The following MIPOL1 variants were observed in gnomAD, a reference collection of about 807,000 sequenced individuals.
The protein encoded by MIPOL1 is mirror-image polydactyly gene 1 protein.
MIPOL1 carries 57 observed loss-of-function variants against 60.9 expected under a neutral mutation model. That is an observed-to-expected ratio of 0.94 (90% CI 0.76 to 1.17). MIPOL1 has a LOEUF of 1.17. MIPOL1 is among the 50% of genes most tolerant of loss of function. The pLI, the probability that MIPOL1 is intolerant of heterozygous loss-of-function variation, is 0.00. For missense variants in MIPOL1, 551 were observed against 511.6 expected (o/e 1.08, Z -0.74); for synonymous variants, 179 against 168.8 (o/e 1.06, Z -0.47).
intron 9 of MIPOL1, among the ~76,000 whole-genome samples, chr14:37,365,872 C>T (rs2092454576): frequency 6.6e-6 from 1 of 151,964 alleles, no homozygotes; most frequent in Non-Finnish European, 1.5e-5. Flanking sequence ...TTTATTATGG[C>T]TTCGATTTCT....
At chr14:37,469,577 G>T (rs900409092) in intron 11 of MIPOL1, among the ~76,000 whole-genome samples, 2 of 152,220 alleles carry the variant, frequency 1.3e-5, no homozygotes, top group South Asian at 2.1e-4. Context: ...TCTAAATTAA[G>T]ATGGTGATAA....
intron 11 of MIPOL1, among the ~76,000 whole-genome samples, chr14:37,426,743 T>C (rs1209655152): frequency 2.0e-5 from 3 of 151,002 alleles, no homozygotes; most frequent in African/African-American, 7.3e-5. Flanking sequence ...TTAAGTGAAA[T>C]GCTTAAATGA....
At chr14:37,542,618 T>G (rs1048749553) in intron 12 of MIPOL1, among the ~76,000 whole-genome samples, 3 of 152,140 alleles carry the variant, frequency 2.0e-5, no homozygotes, top group African/African-American at 4.8e-5. Flanking sequence ...TTCCTTCTCA[T>G]CCTTCAACAC....
intron 11 of MIPOL1, among the ~76,000 whole-genome samples, chr14:37,449,450 A>C (rs1343632813): frequency 1.3e-5 from 2 of 152,226 alleles, no homozygotes; most frequent in African/African-American, 4.8e-5. Flanking sequence ...AACAAACTGA[A>C]TGAAGAATTT....
chr14:37,489,641 G>T (rs374405034), intron 11 of MIPOL1, among the ~76,000 whole-genome samples: 1 of 152,132 alleles, frequency 6.6e-6, no homozygotes, highest in East Asian at 1.9e-4. Context: ...CTGACTGGAC[G>T]TCCTTTTTGT....
At chr14:37,438,048 T>TAA (rs928896029) in intron 11 of MIPOL1, among the ~76,000 whole-genome samples, 1 of 152,126 alleles carries the variant, frequency 6.6e-6, no homozygotes, top group Non-Finnish European at 1.5e-5. Flanking sequence ...GTGAGGCATT[T>TAA]AAAAAAATAT....
chr14:37,492,177 T>G (rs1412044734), intron 11 of MIPOL1, among the ~76,000 whole-genome samples: 1 of 152,194 alleles, frequency 6.6e-6, no homozygotes, highest in African/African-American at 2.4e-5. Context: ...AGCAAATTAA[T>G]TGATGTAGTA....
At chr14:37,228,554 A>T (rs1970135360) in intron 1 of MIPOL1, among the ~76,000 whole-genome samples, 1 of 152,092 alleles carries the variant, frequency 6.6e-6, no homozygotes. Context: ...GATGGTAGTG[A>T]CATGATGGCA....
At chr14:37,364,162 A>G (rs958498473) in intron 9 of MIPOL1, among the ~76,000 whole-genome samples, 4 of 152,160 alleles carry the variant, frequency 2.6e-5, no homozygotes, top group African/African-American at 4.8e-5. Flanking sequence ...ACCAATCCCA[A>G]TGAGATGAAC....
At chr14:37,356,498 C>T (rs1156764635) in intron 9 of MIPOL1, among the ~76,000 whole-genome samples, 2 of 152,166 alleles carry the variant, frequency 1.3e-5, no homozygotes, top group African/African-American at 2.4e-5. Context: ...GGGCGCCCCT[C>T]CCCCAGCCTC....
At chr14:37,316,010 C>T (rs904790774) in intron 9 of MIPOL1, among the ~76,000 whole-genome samples, 1 of 136,248 alleles carries the variant, frequency 7.3e-6, no homozygotes, top group Non-Finnish European at 1.5e-5. Flanking sequence ...GAAATTGTTT[C>T]TGTTTATTTA....
In MIPOL1 at chr14:37,422,922, A is replaced by C; in HGVS notation, c.1004A>C (p.Glu335Ala). Residue 335 changes from glutamate to alanine, a missense_variant, in exon 11 of 13, where the codon GAA (glutamate) becomes GCA (alanine). By Grantham distance (107) the Glu-to-Ala change is moderately radical. Transcript: ENST00000684589. ...AVQQYKKLEE[E>A]IQTLRVYYSL... ...CAACAGTACAAAAAACTGGAAGAGG[A>C]AATCCAGACCCTTCGAGTTTACTAC... 8 of 1,608,284 alleles carry C rather than the reference A, an allele frequency of 5.0e-6. No individual in the cohort carries two copies. The highest frequency in any genetic ancestry group is 6.8e-6 in the Non-Finnish European group (8 of 1,176,452).
At chr14:37,218,975 T>C (rs1166474541) in intron 1 of MIPOL1, among the ~76,000 whole-genome samples, 2 of 148,972 alleles carry the variant, frequency 1.3e-5, no homozygotes, top group Non-Finnish European at 3.0e-5. Context: ...GTAATATTAA[T>C]AGTAAAGGTG....
intron 7 of MIPOL1, among the ~76,000 whole-genome samples, chr14:37,287,318 C>T (rs989711046): frequency 3.3e-5 from 5 of 151,954 alleles, no homozygotes; most frequent in African/African-American, 1.2e-4. Context: ...GCAATCAGAG[C>T]TCATTGCAGA....
At chr14:37,462,813 C>T (rs2153582918) in intron 11 of MIPOL1, among the ~76,000 whole-genome samples, 1 of 152,284 alleles carries the variant, frequency 6.6e-6, no homozygotes, top group East Asian at 1.9e-4. Context: ...ACCACCTCAG[C>T]CTGTACCTTA....
At chr14:37,359,574 G>A (rs1316534456) in intron 9 of MIPOL1, among the ~76,000 whole-genome samples, 1 of 151,708 alleles carries the variant, frequency 6.6e-6, no homozygotes, top group East Asian at 1.9e-4. Flanking sequence ...TGTATTCCTA[G>A]GTATTTTATT....
At chr14:37,242,907 C>G (rs1972579978) in intron 1 of MIPOL1, among the ~76,000 whole-genome samples, 1 of 152,060 alleles carries the variant, frequency 6.6e-6, no homozygotes, top group South Asian at 2.1e-4. Context: ...GACTTTTGAG[C>G]AAGGCGTGCA....
chr14:37,459,044 G>A (rs553253529), intron 11 of MIPOL1, among the ~76,000 whole-genome samples: 137 of 151,990 alleles, frequency 9.0e-4, no homozygotes, highest in Middle Eastern at 3.4e-3. Flanking sequence ...AGCATTGAAT[G>A]TCTACATCAA....
At chr14:37,395,096 C>G (rs1321465841) in intron 10 of MIPOL1, among the ~76,000 whole-genome samples, 5 of 152,118 alleles carry the variant, frequency 3.3e-5, no homozygotes, top group Admixed American at 2.0e-4. Flanking sequence ...TATGGGTTCT[C>G]TATTCTGTTC....
Sources: gnomAD v4.1 joint callset for allele counts (sites outside exome capture counted in the v4.1 genomes callset) on GRCh38, gnomAD v4.1.1 for gene constraint, MANE v1.5 for transcripts, NCBI Gene and HGNC (gene_info 2026-07-23, HGNC 2026-07-21) for gene names.